Variants in PCDH15 observed in about 807,000 individuals in gnomAD.
The protein encoded by PCDH15 is protocadherin related 15.
Under a neutral mutation model 178.5 loss-of-function variants are expected in PCDH15, and 129 were observed. The ratio of observed to expected loss-of-function variants is 0.72; its 90% confidence interval spans 0.63 to 0.84. The LOEUF is 0.84. Ranked by LOEUF, PCDH15 falls within the 40% of genes least tolerant of loss-of-function variation. PCDH15 has a pLI of 0.00. For synonymous variants in PCDH15, 800 were observed against 732.0 expected, an observed-to-expected ratio of 1.09 and a Z score of -1.50; for missense variants, 2,230 against 2,099.9, an observed-to-expected ratio of 1.06 and a Z score of -1.21.
chr10:53,895,613 T>A (rs12218632), intron 26 of PCDH15, among the ~76,000 whole-genome samples: 12,804 of 152,254 alleles, frequency 0.084, 1,531 homozygotes, highest in African/African-American at 0.26. Context: ...CAGAGTTTTT[T>A]AAAATTAATC....
chr10:54,956,288 G>T (rs1338524233), intron 2 of PCDH15, among the ~76,000 whole-genome samples: 1 of 151,348 alleles, frequency 6.6e-6, no homozygotes, highest in Non-Finnish European at 1.5e-5. Context: ...AAATCTGTTT[G>T]TTGAAATTAT....
chr10:55,396,409 G>C (rs190302758), intron 2 of PCDH15, among the ~76,000 whole-genome samples: 125 of 152,290 alleles, frequency 8.2e-4, no homozygotes, highest in African/African-American at 2.9e-3. Context: ...TATCTGGTTA[G>C]ATTTTTATCA....
intron 5 of PCDH15, among the ~76,000 whole-genome samples, chr10:54,349,907 T>A (rs1365667627): frequency 6.6e-6 from 1 of 152,148 alleles, no homozygotes; most frequent in Non-Finnish European, 1.5e-5. Context: ...ACAGGTAAAT[T>A]TCCCTAATCA....
chr10:54,831,651 C>A (rs1953229114), intron 3 of PCDH15, among the ~76,000 whole-genome samples: 1 of 152,048 alleles, frequency 6.6e-6, no homozygotes, highest in Admixed American at 6.6e-5. Flanking sequence ...AGCTAAATCA[C>A]ACAAGAGGAA....
intron 18 of PCDH15, among the ~76,000 whole-genome samples, chr10:54,054,094 C>T (rs779382547): frequency 4.6e-5 from 7 of 151,820 alleles, no homozygotes; most frequent in South Asian, 2.1e-4. Flanking sequence ...CTGGGGAAGA[C>T]GAAAATAAGA....
intron 15 of PCDH15, among the ~76,000 whole-genome samples, chr10:54,127,914 T>A (rs2042115830): frequency 6.6e-6 from 1 of 152,216 alleles, no homozygotes; most frequent in Non-Finnish European, 1.5e-5. Flanking sequence ...GATGCCTTAC[T>A]CATTATTTTT....
At chr10:54,756,056 A>ACACACACACACACACACACACAC (rs1947047019) in intron 1 of PCDH15, among the ~76,000 whole-genome samples, 4 of 71,676 alleles carry the variant, frequency 5.6e-5, no homozygotes, top group African/African-American at 1.8e-4. Flanking sequence ...CTCTACTAAA[A>ACACACACACACACACACACACAC]ACACACACAC....
intron 10 of PCDH15, among the ~76,000 whole-genome samples, chr10:54,199,645 A>G (rs2050035534): frequency 6.6e-6 from 1 of 151,380 alleles, no homozygotes; most frequent in South Asian, 2.1e-4. Context: ...TGATACAATT[A>G]TCTTTTCTTC....
intron 7 of PCDH15, among the ~76,000 whole-genome samples, chr10:54,326,680 A>T (rs1041002865): frequency 4.6e-5 from 7 of 152,126 alleles, no homozygotes; most frequent in African/African-American, 1.7e-4. Flanking sequence ...AACTCAGGTG[A>T]CATAATTCAC....
chr10:55,114,861 G>T lies in PCDH15; in HGVS notation c.-80+51715C>A, dbSNP rs568421706. Among the ~76,000 whole-genome samples the T allele has an allele frequency of 2.2e-4, 34 of 152,116 alleles. No individual in the cohort carries two copies. In the South Asian group the frequency reaches 6.9e-3, roughly 31 times the overall value. On this transcript the variant is annotated intron_variant, in intron 2 of 5. Transcript: ENST00000458638. ...TGTTATTTAAACCCTTGTAATTCTG[G>T]GTGTCTGTCATTGCAATTTATTATG...
chr10:55,132,907 G>C (rs1465170707), intron 2 of PCDH15, among the ~76,000 whole-genome samples: 3 of 152,260 alleles, frequency 2.0e-5, no homozygotes, highest in Admixed American at 2.0e-4. Context: ...TTATAAATAA[G>C]TTCTTCCTAA....
chr10:55,428,266 G>C (rs1838803434), intron 2 of PCDH15, among the ~76,000 whole-genome samples: 1 of 151,722 alleles, frequency 6.6e-6, no homozygotes, highest in South Asian at 2.1e-4. Context: ...AATTATCATT[G>C]AAATTTAAGA....
intron 2 of PCDH15, among the ~76,000 whole-genome samples, chr10:55,140,484 C>A (rs905209741): frequency 7.9e-5 from 12 of 151,798 alleles, no homozygotes; most frequent in Non-Finnish European, 1.6e-4. Context: ...TCTTCTTTAG[C>A]CTATGTATAT....
intron 2 of PCDH15, among the ~76,000 whole-genome samples, chr10:54,965,587 T>C (rs1415795137): frequency 7.1e-6 from 1 of 140,436 alleles, no homozygotes; most frequent in Non-Finnish European, 1.5e-5. Context: ...ATGCATAGTA[T>C]GGTTTTGTGA....
At chr10:54,179,572 T>C (rs1057413215) in intron 13 of PCDH15, among the ~76,000 whole-genome samples, 14 of 151,914 alleles carry the variant, frequency 9.2e-5, no homozygotes, top group African/African-American at 3.4e-4. Context: ...AGTATAATAA[T>C]AATAAAATAA....
At chr10:55,302,733 C>G (rs542373468) in intron 1 of PCDH15, among the ~76,000 whole-genome samples, 1 of 152,252 alleles carries the variant, frequency 6.6e-6, no homozygotes, top group Admixed American at 6.6e-5. Flanking sequence ...ATACCATGTC[C>G]TAACCTTTAT....
chr10:54,528,290 A>G, intron 2 of PCDH15: 1 of 1,156,222 alleles, frequency 8.6e-7, no homozygotes, highest in Non-Finnish European at 1.3e-6. Flanking sequence ...AATTAGAGAG[A>G]GTGAATAGAA....
chr10:55,008,885 A>AAAAAAAC (rs1554822632), intron 2 of PCDH15, among the ~76,000 whole-genome samples: 1 of 75,324 alleles, frequency 1.3e-5, no homozygotes, highest in Non-Finnish European at 3.2e-5. Flanking sequence ...GATCTTGTTT[A>AAAAAAAC]AAAAACAAAA....
At chr10:54,082,169 G>C (rs1432698021) in intron 16 of PCDH15, among the ~76,000 whole-genome samples, 2 of 152,124 alleles carry the variant, frequency 1.3e-5, no homozygotes, top group African/African-American at 4.8e-5. Flanking sequence ...GTCTATTCTA[G>C]TCTGTCTGGA....
Sources: allele counts gnomAD v4.1 joint callset (sites outside exome capture counted in the v4.1 genomes callset), GRCh38; gene constraint gnomAD v4.1.1; transcripts MANE v1.5; gene names NCBI Gene and HGNC (gene_info 2026-07-23, HGNC 2026-07-21).